Variants in KCNIP4 observed in about 807,000 individuals in gnomAD.
KCNIP4 encodes potassium voltage-gated channel interacting protein 4, also known as Kv channel-interacting protein 4.
Under a neutral mutation model 34.0 loss-of-function variants are expected in KCNIP4, and 12 were observed. That is an observed-to-expected ratio of 0.35 (90% CI 0.23 to 0.57). KCNIP4 has a LOEUF of 0.57. Among genes scored for constraint, KCNIP4 ranks in the 20% least tolerant of loss-of-function variants. The probability of loss-of-function intolerance (pLI) is 0.83; values close to 1 mark genes in which losing one functional copy is unlikely to be tolerated. For synonymous variants in KCNIP4, 124 were observed against 102.2 expected (o/e 1.21, Z -1.29); for missense variants, 238 against 311.7 (o/e 0.76, Z 1.78).
chr4:21,352,457 G>T (rs1718104312), intron 1 of KCNIP4, among the ~76,000 whole-genome samples: 1 of 152,228 alleles, frequency 6.6e-6, no homozygotes. Context: ...TTAGCAACTG[G>T]CAGACCAGGA....
chr4:20,864,543 G>C (rs943768553), intron 2 of KCNIP4, among the ~76,000 whole-genome samples: 4 of 152,014 alleles, frequency 2.6e-5, no homozygotes, highest in African/African-American at 9.7e-5. Context: ...AGGGAATGGA[G>C]TCTGGGAAGT....
intron 1 of KCNIP4, among the ~76,000 whole-genome samples, chr4:21,110,224 G>C (rs531292540): frequency 6.6e-6 from 1 of 152,168 alleles, no homozygotes; most frequent in African/African-American, 2.4e-5. Context: ...AGCATACTCT[G>C]CATTGTTAGG....
intron 4 of KCNIP4, among the ~76,000 whole-genome samples, chr4:20,755,082 A>G (rs921973104): frequency 1.3e-5 from 2 of 152,144 alleles, no homozygotes; most frequent in African/African-American, 4.8e-5. Flanking sequence ...ATCAGGTACT[A>G]TTACCAATAC....
At chr4:21,601,860 A>T (rs1449645256) in intron 1 of KCNIP4, among the ~76,000 whole-genome samples, 1 of 152,106 alleles carries the variant, frequency 6.6e-6, no homozygotes, top group Non-Finnish European at 1.5e-5. Context: ...TCAGGTCTCA[A>T]CTGTCACCTC....
chr4:20,781,723 C>G (rs548012672), intron 3 of KCNIP4, among the ~76,000 whole-genome samples: 38 of 152,232 alleles, frequency 2.5e-4, no homozygotes, highest in Non-Finnish European at 4.9e-4. Context: ...GAGTATAATT[C>G]AAGATGAGAT....
intron 1 of KCNIP4, among the ~76,000 whole-genome samples, chr4:21,747,149 T>C (rs1340701190): frequency 6.6e-6 from 1 of 152,130 alleles, no homozygotes; most frequent in Non-Finnish European, 1.5e-5. Flanking sequence ...TATGTTGACA[T>C]AAGTGATACC....
intron 1 of KCNIP4, among the ~76,000 whole-genome samples, chr4:21,309,516 C>T (rs1712892861): frequency 6.6e-6 from 1 of 152,168 alleles, no homozygotes; most frequent in South Asian, 2.1e-4. Flanking sequence ...TCTTCACTAG[C>T]TTAAAATCTA....
intron 1 of KCNIP4, among the ~76,000 whole-genome samples, chr4:21,100,537 A>C (rs1422532737): frequency 6.6e-6 from 1 of 152,166 alleles, no homozygotes; most frequent in Non-Finnish European, 1.5e-5. Flanking sequence ...TGGGTGACAG[A>C]GTGAGATGCT....
rs138967832 is a variant in KCNIP4, at chr4:21,819,737, G to A, written c.61+128834C>T. Among the ~76,000 whole-genome samples the A allele has an allele frequency of 2.9e-3, 438 of 152,234 alleles. 4 individuals are homozygous for A. Among genetic ancestry groups the A allele is most frequent in the African/African-American group, 9.9e-3 (413 of 41,570 alleles). On this transcript the variant is annotated intron_variant, in intron 1 of 8. Transcript: ENST00000382152. ...TGTGCTGTGGGGTAAGGGAGAGAGA[G>A]AAGATGGAACGAGGTTTAATTTTGA...
chr4:21,165,516 T>A (rs1028180518), intron 1 of KCNIP4, among the ~76,000 whole-genome samples: 1 of 150,800 alleles, frequency 6.6e-6, no homozygotes, highest in African/African-American at 2.4e-5. Flanking sequence ...TGAAAATTAT[T>A]TAATTCATAC....
At chr4:21,667,801 A>G (rs1749112758) in intron 1 of KCNIP4, among the ~76,000 whole-genome samples, 1 of 152,228 alleles carries the variant, frequency 6.6e-6, no homozygotes. Context: ...AATGCCACTG[A>G]ATCACATTGG....
chr4:20,798,594 G>C (rs1713810921), intron 3 of KCNIP4, among the ~76,000 whole-genome samples: 2 of 151,922 alleles, frequency 1.3e-5, no homozygotes, highest in East Asian at 3.9e-4. Flanking sequence ...ATAACTAAAG[G>C]AGAGCTCTAG....
rs1202265762 is a variant in KCNIP4 at position 21,032,606 on chromosome 4, T to C, written c.62-149897A>G. ...AGCCCAGAAAGTCCTAGAAAAAAAA[T>C]TGCTGCCTCATGCTTAAGCTTCTAG... is the stretch of plus-strand genomic sequence containing the variant. On this transcript the variant is annotated intron_variant, in intron 1 of 8. Transcript: ENST00000382152. Among the ~76,000 whole-genome samples the C allele has an allele frequency of 2.6e-5, 4 of 152,010 alleles. No individual in the cohort carries two copies. In the East Asian group the frequency reaches 7.8e-4, roughly 29 times the overall value.
rs190602450 is a variant in KCNIP4 at position 21,238,817 on chromosome 4, A to G, written c.62-356108T>C. On this transcript the variant is annotated intron_variant, in intron 1 of 8. Coordinates refer to ENST00000382152, the MANE Select transcript of KCNIP4 (RefSeq NM_025221.6). Reference sequence around the variant, plus strand: ...GGCTATACTGCCCAAGGTAATTTATAAATTCAATGCCATCCCCATCAAGCT... The same window carrying G: ...GGCTATACTGCCCAAGGTAATTTATGAATTCAATGCCATCCCCATCAAGCT... Among the ~76,000 whole-genome samples, 565 of 152,340 alleles carry G rather than the reference A, an allele frequency of 3.7e-3. 2 individuals carry two copies. The highest frequency in any genetic ancestry group is 0.014 in the Middle Eastern group (4 of 294).
At chr4:21,567,867 C>T (rs1355671190) in intron 1 of KCNIP4, among the ~76,000 whole-genome samples, 2 of 152,118 alleles carry the variant, frequency 1.3e-5, no homozygotes, top group Non-Finnish European at 2.9e-5. Flanking sequence ...CAAAGCTTAA[C>T]ATTTTTCTAG....
chr4:20,868,099 A>G (rs914543577), intron 2 of KCNIP4, among the ~76,000 whole-genome samples: 2 of 152,056 alleles, frequency 1.3e-5, no homozygotes, highest in African/African-American at 4.8e-5. Context: ...TGATGTATCC[A>G]ACAAAGGCCT....
intron 1 of KCNIP4, among the ~76,000 whole-genome samples, chr4:21,626,367 T>C (rs1745320791): frequency 1.3e-5 from 2 of 149,964 alleles, no homozygotes; most frequent in Non-Finnish European, 3.0e-5. Context: ...AAAAAACAGA[T>C]ACCAGAGAGC....
intron 3 of KCNIP4, among the ~76,000 whole-genome samples, chr4:20,830,138 T>C (rs971184419): frequency 6.6e-6 from 1 of 152,216 alleles, no homozygotes; most frequent in Admixed American, 6.5e-5. Flanking sequence ...ATAGGCTAAA[T>C]GACATCATGG....
At chr4:21,618,333 C>A (rs1744742813) in intron 1 of KCNIP4, among the ~76,000 whole-genome samples, 1 of 151,854 alleles carries the variant, frequency 6.6e-6, no homozygotes, top group Non-Finnish European at 1.5e-5. Flanking sequence ...GAGTTAAAGC[C>A]CATTTAAATA....
Sources: allele counts gnomAD v4.1 joint callset (sites outside exome capture counted in the v4.1 genomes callset), GRCh38; gene constraint gnomAD v4.1.1; transcripts MANE v1.5; gene names NCBI Gene and HGNC (gene_info 2026-07-23, HGNC 2026-07-21).